Variants in DPP6 observed in about 807,000 individuals in gnomAD.
The protein encoded by DPP6 is dipeptidyl peptidase like 6, also known as A-type potassium channel modulatory protein DPP6.
Under a neutral mutation model 122.6 loss-of-function variants are expected in DPP6, and 69 were observed. That is an observed-to-expected ratio of 0.56 (90% CI 0.46 to 0.69). The LOEUF (loss-of-function observed/expected upper bound fraction) is 0.69, where lower values mean the gene tolerates loss of function less well. Ranked by LOEUF, DPP6 falls within the 30% of genes least tolerant of loss-of-function variation. The probability of loss-of-function intolerance (pLI) is 0.00; values close to 1 mark genes in which losing one functional copy is unlikely to be tolerated. For synonymous variants in DPP6, 418 were observed against 433.1 expected, an observed-to-expected ratio of 0.97 and a Z score of 0.43; for missense variants, 928 against 1,116.9, an observed-to-expected ratio of 0.83 and a Z score of 2.41.
At chr7:154,778,557 C>A (rs1399638682) in intron 10 of DPP6, among the ~76,000 whole-genome samples, 1 of 136,918 alleles carries the variant, frequency 7.3e-6, no homozygotes, top group Admixed American at 7.0e-5. Context: ...GCTTGAGCAC[C>A]CCCCCCCAAA....
intron 1 of DPP6, among the ~76,000 whole-genome samples, chr7:153,964,913 C>CTTTTCCTTT (rs1491387853): frequency 8.8e-6 from 1 of 113,366 alleles, no homozygotes; most frequent in Admixed American, 9.8e-5. Context: ...CTTTTCTTTT[C>CTTTTCCTTT]CTTTCTTTCT....
intron 6 of DPP6, among the ~76,000 whole-genome samples, chr7:154,660,701 C>T (rs1489243816): frequency 6.2e-5 from 7 of 113,264 alleles, no homozygotes; most frequent in East Asian, 2.9e-4. Context: ...ATCACCATGG[C>T]ATATTGGCGC....
chr7:154,625,409 C>T (rs1241140986), intron 5 of DPP6, among the ~76,000 whole-genome samples: 1 of 152,008 alleles, frequency 6.6e-6, no homozygotes, highest in Non-Finnish European at 1.5e-5. Context: ...CACTGCTAAC[C>T]TTTGGTGAAG....
At chr7:154,335,569 C>A (rs932495270) in intron 1 of DPP6, among the ~76,000 whole-genome samples, 1 of 152,022 alleles carries the variant, frequency 6.6e-6, no homozygotes, top group Non-Finnish European at 1.5e-5. Flanking sequence ...AAGCAATTAC[C>A]GTAGTAGATT....
chr7:153,963,095 A>G (rs1585096764), intron 1 of DPP6, among the ~76,000 whole-genome samples: 2 of 152,206 alleles, frequency 1.3e-5, no homozygotes, highest in Admixed American at 6.5e-5. Context: ...ACAACCTCCT[A>G]AGAACCCTCA....
At chr7:153,875,181 T>C in the DPP6 span, among the ~76,000 whole-genome samples, 1 of 152,054 alleles carries the variant, frequency 6.6e-6, no homozygotes, top group African/African-American at 2.4e-5. Context: ...TGTATAAGAG[T>C]GCAAGTCAGA....
intron 7 of DPP6, among the ~76,000 whole-genome samples, chr7:154,719,344 A>G (rs568206353): frequency 5.4e-4 from 82 of 152,106 alleles, no homozygotes; most frequent in African/African-American, 1.9e-3. Context: ...CCATCCTTCC[A>G]TTTGCTTGAA....
At chr7:154,010,506 A>G (rs933230264) in intron 1 of DPP6, among the ~76,000 whole-genome samples, 3 of 152,226 alleles carry the variant, frequency 2.0e-5, no homozygotes, top group Non-Finnish European at 4.4e-5. Flanking sequence ...ATGCTTTCTC[A>G]TGAATTAATG....
rs1431572059 is a variant in DPP6 at position 154,099,081 on chromosome 7, G to C, written c.243+46018G>C. Among the ~76,000 whole-genome samples the C allele has an allele frequency of 4.0e-5, 6 of 150,304 alleles. No homozygotes were observed. The East Asian group carries it at 1.2e-3, about 31-fold the overall frequency. ...AAGATAGGCACATATTTTGCAGAGA[G>C]TAAAAATGGAAATTCAGTGATAGAA... On this transcript the variant is annotated intron_variant, in intron 1 of 25. Coordinates refer to ENST00000377770, the MANE Select transcript of DPP6 (RefSeq NM_130797.4).
upstream of DPP6, among the ~76,000 whole-genome samples, chr7:153,883,035 T>C (rs1182710455): frequency 6.6e-6 from 1 of 152,186 alleles, no homozygotes; most frequent in Non-Finnish European, 1.5e-5. Flanking sequence ...GAAATACAAC[T>C]GCAAAACCTA....
chr7:153,925,759 T>C (rs1448723010), intron 1 of DPP6, among the ~76,000 whole-genome samples: 4 of 152,176 alleles, frequency 2.6e-5, no homozygotes, highest in Non-Finnish European at 5.9e-5. Flanking sequence ...TGGTGGAAGG[T>C]CCAGCCTGGC....
the DPP6 span, among the ~76,000 whole-genome samples, chr7:153,791,106 T>G: frequency 6.6e-6 from 1 of 152,206 alleles, no homozygotes; most frequent in Non-Finnish European, 1.5e-5. Flanking sequence ...TATAAAAGGC[T>G]CAGAAATATT....
chr7:154,075,512 C>G (rs1803490630), intron 1 of DPP6, among the ~76,000 whole-genome samples: 1 of 152,036 alleles, frequency 6.6e-6, no homozygotes, highest in East Asian at 1.9e-4. Context: ...TCACAGCAAC[C>G]TGGACAGAGT....
At chr7:153,916,438 G>A (rs541490274) in intron 1 of DPP6, among the ~76,000 whole-genome samples, 1 of 126,110 alleles carries the variant, frequency 7.9e-6, no homozygotes, top group Non-Finnish European at 1.6e-5. Context: ...CCTCTTCGAA[G>A]TCTATCTCTG....
At chr7:154,729,714 G>GT (rs1351726665) in intron 8 of DPP6, among the ~76,000 whole-genome samples, 3 of 152,206 alleles carry the variant, frequency 2.0e-5, no homozygotes, top group Admixed American at 2.0e-4. Context: ...ACATGAGGCT[G>GT]TCCTTCCCTG....
At chr7:153,827,888 G>A in the DPP6 span, among the ~76,000 whole-genome samples, 1 of 152,160 alleles carries the variant, frequency 6.6e-6, no homozygotes, top group Non-Finnish European at 1.5e-5. Context: ...TGTGTAACAA[G>A]GTGCCCCCTA....
intron 7 of DPP6, among the ~76,000 whole-genome samples, chr7:154,709,018 A>G (rs1158598618): frequency 6.6e-6 from 1 of 151,886 alleles, no homozygotes; most frequent in Non-Finnish European, 1.5e-5. Context: ...ACTGCAGTCC[A>G]GCCTCACCGA....
chr7:154,374,131 G>A (rs1043161323), intron 1 of DPP6, among the ~76,000 whole-genome samples: 2 of 152,176 alleles, frequency 1.3e-5, no homozygotes, highest in Admixed American at 6.5e-5. Flanking sequence ...CTTAATGAGA[G>A]CACATGAAGA....
At chr7:154,448,760 AC>A (rs1820104237) in intron 2 of DPP6, among the ~76,000 whole-genome samples, 3 of 152,300 alleles carry the variant, frequency 2.0e-5, no homozygotes, top group South Asian at 4.1e-4. Context: ...TCAAAAATAA[AC>A]CCATACATCT....
Sources: gnomAD v4.1 joint callset for allele counts (sites outside exome capture counted in the v4.1 genomes callset) on GRCh38, gnomAD v4.1.1 for gene constraint, MANE v1.5 for transcripts, NCBI Gene and HGNC (gene_info 2026-07-23, HGNC 2026-07-21) for gene names.